The following ARHGAP10 variants were observed in gnomAD, a reference collection of about 807,000 sequenced individuals.
ARHGAP10 encodes rho GTPase-activating protein 10.
Under a neutral mutation model 108.6 loss-of-function variants are expected in ARHGAP10, and 87 were observed. The ratio of observed to expected loss-of-function variants is 0.80; its 90% CI spans 0.67 to 0.96. The LOEUF (loss-of-function observed/expected upper bound fraction) is 0.96, where lower values mean the gene tolerates loss of function less well. Ranked by LOEUF, ARHGAP10 falls within the 40% of genes least tolerant of loss-of-function variation. The pLI is 0.00. For synonymous variants in ARHGAP10, 347 were observed against 341.1 expected (o/e 1.02, Z -0.19); for missense variants, 939 against 954.5 (o/e 0.98, Z 0.21).
chr4:147,821,864 T>C (rs947163283), intron 1 of ARHGAP10, among the ~76,000 whole-genome samples: 1 of 152,250 alleles, frequency 6.6e-6, no homozygotes, highest in Admixed American at 6.5e-5. Context: ...GCTCAGGCCA[T>C]GGCCTTTGGA....
chr4:147,895,944 G>A (rs1560814786), intron 10 of ARHGAP10, among the ~76,000 whole-genome samples: 3 of 152,030 alleles, frequency 2.0e-5, no homozygotes, highest in African/African-American at 7.2e-5. Context: ...TGAATTGGTT[G>A]GAATTTTGAC....
At chr4:147,905,174 T>C (rs1163732449) in intron 10 of ARHGAP10, among the ~76,000 whole-genome samples, 3 of 152,166 alleles carry the variant, frequency 2.0e-5, no homozygotes, top group South Asian at 2.1e-4. Flanking sequence ...TTCTCCCATT[T>C]TGTAGGTTGC....
intron 3 of ARHGAP10, among the ~76,000 whole-genome samples, chr4:147,832,973 G>A (rs1733014977): frequency 1.3e-5 from 2 of 152,162 alleles, no homozygotes; most frequent in South Asian, 4.1e-4. Context: ...TATGAATGCT[G>A]GTGGTGGTTT....
intron 1 of ARHGAP10, among the ~76,000 whole-genome samples, chr4:147,810,718 G>A (rs1419509602): frequency 6.6e-6 from 1 of 152,132 alleles, no homozygotes; most frequent in Non-Finnish European, 1.5e-5. Flanking sequence ...CTTAGGGTAT[G>A]GTGAGGGCAG....
chr4:147,773,773 T>G (rs1015697770), intron 1 of ARHGAP10, among the ~76,000 whole-genome samples: 1 of 152,176 alleles, frequency 6.6e-6, no homozygotes, highest in Non-Finnish European at 1.5e-5. Flanking sequence ...CCTTGGTTCT[T>G]TAGAATGTGA....
chr4:147,964,918 G>A, intron 16 of ARHGAP10, 106 bp from the exon 17 acceptor site: 2 of 708,636 alleles, frequency 2.8e-6, no homozygotes, highest in Non-Finnish European at 4.3e-6. Context: ...TTGAACAGAG[G>A]AGCTGTTGTC....
intron 1 of ARHGAP10, among the ~76,000 whole-genome samples, chr4:147,733,882 T>C (rs763921994): frequency 6.6e-6 from 1 of 152,092 alleles, no homozygotes; most frequent in Non-Finnish European, 1.5e-5. Context: ...GGTTTTTTTG[T>C]TTTGTTTTTA....
chr4:148,024,373 G>A (rs996930288), intron 19 of ARHGAP10, among the ~76,000 whole-genome samples: 2 of 152,202 alleles, frequency 1.3e-5, no homozygotes, highest in Non-Finnish European at 2.9e-5. Flanking sequence ...GAGATTAGCA[G>A]AGTGAGGAAG....
intron 1 of ARHGAP10, among the ~76,000 whole-genome samples, chr4:147,798,833 C>G (rs566448784): frequency 7.1e-6 from 1 of 141,472 alleles, no homozygotes; most frequent in South Asian, 2.2e-4. Flanking sequence ...TTTACCCCCC[C>G]ACGCTTGAAA....
Position 147,744,676 on chromosome 4 carries a change from G to A in ARHGAP10, c.154+12221G>A, listed in dbSNP as rs528950592. ...CTGCCCTGACACCTCAGGTTCTGGT[G>A]TGGGCTGGTGAGTGCAGTTCACTGA... On this transcript the variant is annotated intron_variant, in intron 1 of 22. Transcript: ENST00000336498. Among the ~76,000 whole-genome samples the A allele has an allele frequency of 3.3e-5, 5 of 152,242 alleles. No individual in the cohort carries two copies. In the South Asian group the frequency reaches 1.0e-3, roughly 32 times the overall value.
At chr4:147,843,512 T>C (rs1397586869) in intron 3 of ARHGAP10, among the ~76,000 whole-genome samples, 2 of 151,866 alleles carry the variant, frequency 1.3e-5, no homozygotes, top group Non-Finnish European at 2.9e-5. Context: ...ACAGCTGAAC[T>C]CCTTTTTTTT....
At chr4:147,981,698 T>C (rs1183483227) in intron 18 of ARHGAP10, among the ~76,000 whole-genome samples, 1 of 152,254 alleles carries the variant, frequency 6.6e-6, no homozygotes, top group Non-Finnish European at 1.5e-5. Context: ...AGTATTCTCT[T>C]AGGTCTAGAA....
intron 22 of ARHGAP10, among the ~76,000 whole-genome samples, chr4:148,069,401 T>C (rs1730053742): frequency 6.6e-6 from 1 of 152,116 alleles, no homozygotes; most frequent in African/African-American, 2.4e-5. Flanking sequence ...AGGGGAGGGC[T>C]GGGGAGGTGG....
intron 18 of ARHGAP10, among the ~76,000 whole-genome samples, chr4:147,976,414 T>C (rs1172628509): frequency 2.0e-5 from 3 of 152,172 alleles, no homozygotes; most frequent in Non-Finnish European, 2.9e-5. Context: ...GTATTGACTG[T>C]TCAGTGTAGA....
At position 147,875,079 on chromosome 4, in the gene ARHGAP10, G is replaced by T; in HGVS notation, c.761G>T (p.Arg254Ile). The stretch of plus-strand genomic sequence containing the variant: ...GTGGAAGAGCTCATGAACAAAATCA[G>T]ACAGAATCCCAAGGACCACAAACGA... ...SEVEELMNKI[R>I]QNPKDHKRAS... The change falls in exon 8 of 23, where the codon AGA (arginine) becomes ATA (isoleucine). Residue 254 changes from arginine (R) to isoleucine (I), a missense_variant. By Grantham distance (97) the Arg-to-Ile change is moderately conservative. Coordinates refer to ENST00000336498, the MANE Select transcript of ARHGAP10 (RefSeq NM_024605.4). 1.2e-6 allele frequency: 2 copies of T among 1,610,146 alleles called. No individual in the cohort carries two copies. Among genetic ancestry groups the T allele is most frequent in the South Asian group, 1.1e-5 (1 of 89,970 alleles).
intron 1 of ARHGAP10, among the ~76,000 whole-genome samples, chr4:147,767,015 A>G (rs1363577224): frequency 2.0e-5 from 3 of 151,318 alleles, no homozygotes; most frequent in African/African-American, 7.3e-5. Flanking sequence ...CGCCCAGATA[A>G]GTTTTTTGTA....
At chr4:147,911,235 G>A (rs1271743742) in intron 12 of ARHGAP10, among the ~76,000 whole-genome samples, 5 of 152,084 alleles carry the variant, frequency 3.3e-5, no homozygotes, top group Non-Finnish European at 7.4e-5. Flanking sequence ...TTCAAGCTTA[G>A]CACTATGGGT....
At chr4:147,900,142 G>A (rs773534284) in intron 10 of ARHGAP10, among the ~76,000 whole-genome samples, 1 of 152,134 alleles carries the variant, frequency 6.6e-6, no homozygotes, top group Admixed American at 6.6e-5. Context: ...TATAGAACAT[G>A]CAGTTGAAAG....
chr4:147,824,321 C>CAAA (rs57613352), intron 3 of ARHGAP10, among the ~76,000 whole-genome samples: 2,422 of 136,406 alleles, frequency 0.018, 64 homozygotes, highest in African/African-American at 0.06. Flanking sequence ...GACTCTGTCT[C>CAAA]AAAAAAAAAA....
Sources: gnomAD v4.1 joint callset for allele counts (sites outside exome capture counted in the v4.1 genomes callset) on GRCh38, gnomAD v4.1.1 for gene constraint, MANE v1.5 for transcripts, NCBI Gene and HGNC (gene_info 2026-07-23, HGNC 2026-07-21) for gene names.